The following SEPTIN10 variants were observed in gnomAD, a reference collection of about 807,000 sequenced individuals.
SEPTIN10 encodes the protein septin-10.
SEPTIN10 carries 66 observed loss-of-function variants against 54.8 expected under a neutral mutation model. That is an observed-to-expected ratio of 1.21 (90% CI 0.99 to 1.48). The LOEUF is 1.48. SEPTIN10 is among the 40% of genes most tolerant of loss of function. The pLI is 0.00. For synonymous variants in SEPTIN10, 161 were observed against 181.0 expected, an observed-to-expected ratio of 0.89 and a Z score of 0.89; for missense variants, 620 against 545.6, an observed-to-expected ratio of 1.14 and a Z score of -1.36.
intron 9 of SEPTIN10, among the ~76,000 whole-genome samples, chr2:109,548,044 G>A (rs528202826): frequency 1.3e-4 from 20 of 152,232 alleles, no homozygotes; most frequent in African/African-American, 4.6e-4. Context: ...GCTCATAAAA[G>A]AATTCTAAAA....
chr2:109,578,865 A>C (rs1036105090), intron 4 of SEPTIN10, among the ~76,000 whole-genome samples: 1 of 152,222 alleles, frequency 6.6e-6, no homozygotes, highest in Non-Finnish European at 1.5e-5. Context: ...AGTTTATAAT[A>C]CTAAATGCAT....
At chr2:109,545,625 ATAC>A in intron 10 of SEPTIN10, 1 of 1,525,714 alleles carries the variant, frequency 6.6e-7, no homozygotes, top group South Asian at 1.2e-5. Context: ...ATTCAATAAA[ATAC>A]TATCTTATGT....
At chr2:109,561,211 C>T (rs548143526) in intron 8 of SEPTIN10, among the ~76,000 whole-genome samples, 6 of 152,234 alleles carry the variant, frequency 3.9e-5, no homozygotes, top group South Asian at 2.1e-4. Flanking sequence ...CGGAGTCTTA[C>T]AGATGCCATT....
At chr2:109,561,263 T>C (rs1685592444) in intron 8 of SEPTIN10, among the ~76,000 whole-genome samples, 1 of 152,152 alleles carries the variant, frequency 6.6e-6, no homozygotes, top group South Asian at 2.1e-4. Flanking sequence ...TTGCTCTGTT[T>C]TCCCCAAGTT....
rs118170733 is a variant in SEPTIN10, at chr2:109,575,351, A to G, written c.414-584T>C. On this transcript the variant is annotated intron_variant, in intron 4 of 10. Coordinates refer to ENST00000397712, the MANE Select transcript of SEPTIN10 (RefSeq NM_144710.5). Reference sequence around the variant, plus strand: ...CCATGACTCTTTGCCTCTTAGATTTATAAGGCACAAAAAGCCTAAGTAAAG... The same window carrying G: ...CCATGACTCTTTGCCTCTTAGATTTGTAAGGCACAAAAAGCCTAAGTAAAG... 9.6e-3 allele frequency among the ~76,000 whole-genome samples: 1,456 copies of G among 152,358 alleles called. 64 individuals are homozygous for G. In the East Asian group the frequency reaches 0.13, roughly 13 times the overall value.
chr2:109,609,703 C>T (rs1332044986), intron 1 of SEPTIN10, among the ~76,000 whole-genome samples: 1 of 150,476 alleles, frequency 6.6e-6, no homozygotes, highest in Non-Finnish European at 1.5e-5. Flanking sequence ...CTCTTAGATA[C>T]GAAAATTATC....
intron 6 of SEPTIN10, among the ~76,000 whole-genome samples, chr2:109,567,248 C>T (rs1002323653): frequency 6.6e-6 from 1 of 152,158 alleles, no homozygotes; most frequent in African/African-American, 2.4e-5. Flanking sequence ...ATATGGCCAA[C>T]CAAGCCTGTC....
rs1553437766 is a variant in SEPTIN10, at chr2:109,582,110, A to ACTCACT, written c.413+3015_413+3016insAGTGAG. On this transcript the variant is annotated intron_variant, in intron 4 of 10. Transcript: ENST00000397712. Reference sequence around the variant, plus strand: ...CACACACACACACACACACACACACACACTCACTCTCACGCAAAAACCTAG... The same window carrying ACTCACT: ...CACACACACACACACACACACACACACTCACTCACTCACTCTCACGCAAAAACCTAG... Among the ~76,000 whole-genome samples, 18 of 134,968 alleles carry ACTCACT rather than the reference A, an allele frequency of 1.3e-4. No individual in the cohort carries two copies. The South Asian group carries it at 4.2e-3, about 31-fold the overall frequency. 88.5% of individuals were successfully genotyped at this position (134,968 alleles called of 152,430 possible). A position where few individuals can be genotyped will look rare whatever the true frequency, so the allele number is the denominator to read the frequency against.
intron 8 of SEPTIN10, among the ~76,000 whole-genome samples, chr2:109,560,779 C>A (rs560949434): frequency 6.6e-6 from 1 of 152,286 alleles, no homozygotes; most frequent in East Asian, 1.9e-4. Flanking sequence ...AACCATCCAC[C>A]TAGCCATGAA....
chr2:109,595,156 G>A (rs574752624), intron 1 of SEPTIN10, among the ~76,000 whole-genome samples: 63 of 152,240 alleles, frequency 4.1e-4, no homozygotes, highest in African/African-American at 1.4e-3. Context: ...CAAAGTGCTG[G>A]GATTACAGGC....
chr2:109,556,565 A>G (rs1041363470), intron 8 of SEPTIN10, among the ~76,000 whole-genome samples: 4 of 152,178 alleles, frequency 2.6e-5, no homozygotes, highest in African/African-American at 9.7e-5. Flanking sequence ...AAGAGCAGAG[A>G]TTACAAATGT....
intron 8 of SEPTIN10, among the ~76,000 whole-genome samples, chr2:109,554,039 T>C (rs189715584): frequency 3.5e-4 from 53 of 152,296 alleles, no homozygotes; most frequent in African/African-American, 1.3e-3. Context: ...ACAAAAACAT[T>C]ACCAAACTTC....
At chr2:109,552,996 A>G (rs962674659) in intron 9 of SEPTIN10, 91 bp downstream of exon 9, 10 of 1,458,926 alleles carry the variant, frequency 6.9e-6, no homozygotes, top group Non-Finnish European at 8.4e-6. Context: ...TAGCCTACAA[A>G]AGAGTCTCAA....
At chr2:109,568,064 G>T in intron 5 of SEPTIN10, 88 bp from the exon 6 acceptor site, 1 of 1,038,270 alleles carries the variant, frequency 9.6e-7, no homozygotes, top group Non-Finnish European at 1.4e-6. Context: ...TGTTCATTCT[G>T]ACAATGAATT....
chr2:109,565,120 C>T (rs140025416), intron 7 of SEPTIN10, among the ~76,000 whole-genome samples: 1 of 151,984 alleles, frequency 6.6e-6, no homozygotes, highest in Non-Finnish European at 1.5e-5. Flanking sequence ...GTGACCAATA[C>T]TCTTAAGTAT....
At chr2:109,554,872 T>A (rs913451676) in intron 8 of SEPTIN10, among the ~76,000 whole-genome samples, 4 of 152,176 alleles carry the variant, frequency 2.6e-5, no homozygotes, top group African/African-American at 9.7e-5. Flanking sequence ...GTCACTGGAA[T>A]CACTGTATGT....
chr2:109,594,165 G>A, intron 1 of SEPTIN10, among the ~76,000 whole-genome samples: 1 of 152,138 alleles, frequency 6.6e-6, no homozygotes, highest in East Asian at 1.9e-4. Context: ...AGAGGTACAA[G>A]AAAAACTGTA....
At chr2:109,592,939 A>G in intron 2 of SEPTIN10, 112 bp downstream of exon 2, 4 of 561,544 alleles carry the variant, frequency 7.1e-6, no homozygotes, top group Non-Finnish European at 1.2e-5. Context: ...GTTGGAGGTA[A>G]GTACAAACAG....
intron 6 of SEPTIN10, 120 bp from the exon 7 acceptor site, chr2:109,565,979 A>AG: frequency 2.3e-6 from 2 of 884,556 alleles, no homozygotes; most frequent in Non-Finnish European, 3.6e-6. Flanking sequence ...TCGAATGGTC[A>AG]GCTATGCCTC....
Sources: gnomAD v4.1 joint callset for allele counts (sites outside exome capture counted in the v4.1 genomes callset) on GRCh38, gnomAD v4.1.1 for gene constraint, MANE v1.5 for transcripts, NCBI Gene and HGNC (gene_info 2026-07-23, HGNC 2026-07-21) for gene names.